The following TENM1 variants were observed in gnomAD, a reference collection of about 807,000 sequenced individuals.
The protein encoded by TENM1 is teneurin-1.
A neutral mutation model predicts 174.8 loss-of-function variants in TENM1; 35 were observed. The observed-to-expected ratio is 0.20, with a 90% CI of 0.15 to 0.27. The LOEUF is 0.27. Among genes scored for constraint, TENM1 ranks in the 10% least tolerant of loss-of-function variants. TENM1 has a pLI of 1.00. For synonymous variants in TENM1, 781 were observed against 798.7 expected (o/e 0.98, Z 0.37); for missense variants, 1,633 against 2,130.1 (o/e 0.77, Z 4.59).
chrX:124,616,800 C>T (rs1459164086), intron 11 of TENM1, among the ~76,000 whole-genome samples: 2 of 111,350 alleles, frequency 1.8e-5, no homozygotes, highest in Non-Finnish European at 3.8e-5. Context: ...AGTGGAAGAC[C>T]TTACATAGAA....
the TENM1 span, among the ~76,000 whole-genome samples, chrX:125,129,538 A>T: frequency 9.0e-6 from 1 of 111,148 alleles, no homozygotes; most frequent in Non-Finnish European, 1.9e-5. Context: ...GCTAGGAAAT[A>T]CTAGGTCTTA....
At chrX:125,187,790 A>G in the TENM1 span, among the ~76,000 whole-genome samples, 1 of 111,029 alleles carries the variant, frequency 9.0e-6, no homozygotes, top group East Asian at 2.8e-4. Context: ...GTATTTATAT[A>G]TGTCTGTGTG....
chrX:125,054,197 A>T, the TENM1 span, among the ~76,000 whole-genome samples: 1 of 109,813 alleles, frequency 9.1e-6, no homozygotes, highest in African/African-American at 3.3e-5. Flanking sequence ...TCCTATTCCC[A>T]CAAGATCTTG....
chrX:125,077,333 G>A, the TENM1 span, among the ~76,000 whole-genome samples: 1 of 110,987 alleles, frequency 9.0e-6, no homozygotes, highest in South Asian at 3.7e-4. Context: ...AATCTCAACT[G>A]AATTTTTGAG....
At chrX:124,875,770 G>A (rs1988441954) in intron 3 of TENM1, among the ~76,000 whole-genome samples, 1 of 106,066 alleles carries the variant, frequency 9.4e-6, no homozygotes, top group African/African-American at 3.5e-5. Flanking sequence ...CAGCTACTCC[G>A]GAGGCTAAAG....
At chrX:124,955,797 G>GCACACACACACACACACACACACA (rs376755403) in intron 1 of TENM1, among the ~76,000 whole-genome samples, 1 of 91,251 alleles carries the variant, frequency 1.1e-5, no homozygotes, top group Non-Finnish European at 2.1e-5. Context: ...ACACGCGCAC[G>GCACACACACACACACACACACACA]CACACACACA....
At chrX:124,943,520 A>G (rs1012797174) in intron 1 of TENM1, among the ~76,000 whole-genome samples, 1 of 112,429 alleles carries the variant, frequency 8.9e-6, no homozygotes. Context: ...GCTTCTCAAC[A>G]TGAGTTTTAT....
At chrX:124,774,648 C>T (rs2054741031) in intron 3 of TENM1, among the ~76,000 whole-genome samples, 1 of 111,370 alleles carries the variant, frequency 9.0e-6, no homozygotes, top group South Asian at 3.8e-4. Context: ...TGAATGATAG[C>T]CCCAGCTCCT....
chrX:124,646,541 C>G (rs2051164345), intron 9 of TENM1, among the ~76,000 whole-genome samples, 168 bp downstream of exon 12: 1 of 112,329 alleles, frequency 8.9e-6, no homozygotes, highest in South Asian at 3.7e-4. Flanking sequence ...GTGTTTAGAA[C>G]AGTGCCTGGC....
chrX:124,979,668 G>A, the TENM1 span, among the ~76,000 whole-genome samples: 2 of 111,050 alleles, frequency 1.8e-5, no homozygotes, highest in Non-Finnish European at 3.8e-5. Flanking sequence ...ACTGGAGATG[G>A]AGAAACATAT....
intron 23 of TENM1, among the ~76,000 whole-genome samples, chrX:124,445,430 C>A (rs973694222): frequency 1.8e-4 from 20 of 111,844 alleles, no homozygotes; most frequent in Non-Finnish European, 3.6e-4. Flanking sequence ...AGTAAGATTC[C>A]TAGTGGACTA....
intron 20 of TENM1, among the ~76,000 whole-genome samples, chrX:124,494,740 C>T (rs1015061167): frequency 9.3e-5 from 10 of 107,493 alleles, no homozygotes; most frequent in African/African-American, 3.4e-4. Flanking sequence ...TCAATTCCCA[C>T]CTATGAGTGA....
chrX:124,575,132 T>C (rs2049138472), intron 11 of TENM1, among the ~76,000 whole-genome samples: 1 of 112,036 alleles, frequency 8.9e-6, no homozygotes, highest in Non-Finnish European at 1.9e-5. Context: ...GTTGATGAGG[T>C]ATCATATCTG....
intron 3 of TENM1, among the ~76,000 whole-genome samples, chrX:124,811,164 G>C (rs2055762832): frequency 9.0e-6 from 1 of 111,582 alleles, no homozygotes; most frequent in Admixed American, 9.6e-5. Flanking sequence ...ATAGAAAAAT[G>C]AGATTACATC....
chrX:124,995,567 C>G, the TENM1 span, among the ~76,000 whole-genome samples: 1 of 111,348 alleles, frequency 9.0e-6, no homozygotes, highest in African/African-American at 3.3e-5. Flanking sequence ...TGGCTACAAA[C>G]TAAGCCCCTA....
chrX:124,864,039 T>C (rs922446135), intron 3 of TENM1, among the ~76,000 whole-genome samples: 1 of 112,546 alleles, frequency 8.9e-6, no homozygotes, highest in Non-Finnish European at 1.9e-5. Flanking sequence ...AGAACCACAG[T>C]ATTACTGGGC....
At chrX:125,176,360 G>A in the TENM1 span, among the ~76,000 whole-genome samples, 1 of 111,555 alleles carries the variant, frequency 9.0e-6, no homozygotes, top group Non-Finnish European at 1.9e-5. Context: ...GTTCCCATCA[G>A]TAATGAAGTA....
At chrX:124,413,595 T>C (rs1363323799) in intron 25 of TENM1, among the ~76,000 whole-genome samples, 1 of 112,216 alleles carries the variant, frequency 8.9e-6, no homozygotes, top group Non-Finnish European at 1.9e-5. Flanking sequence ...TCTGTCTTTA[T>C]TTCAGTTCTT....
At chrX:124,753,982 A>T (rs1232418852) in intron 3 of TENM1, among the ~76,000 whole-genome samples, 1 of 111,768 alleles carries the variant, frequency 8.9e-6, no homozygotes, top group Non-Finnish European at 1.9e-5. Flanking sequence ...AGGCTTTGGT[A>T]TCAGGATGAT....
Sources: gnomAD v4.1 joint callset for allele counts (sites outside exome capture counted in the v4.1 genomes callset) on GRCh38, gnomAD v4.1.1 for gene constraint, MANE v1.5 for transcripts, NCBI Gene and HGNC (gene_info 2026-07-23, HGNC 2026-07-21) for gene names.